Variants in PLPP4 observed in about 807,000 individuals in gnomAD.
The protein encoded by PLPP4 is diacylglycerol pyrophosphate like 2.
In PLPP4, 20 loss-of-function variants were observed where a neutral mutation model predicts 32.2. The observed-to-expected ratio is 0.62, with a 90% CI of 0.44 to 0.90. The LOEUF (loss-of-function observed/expected upper bound fraction) is 0.90. PLPP4 is among the 40% of genes least tolerant of loss of function. PLPP4 has a pLI of 0.00. For synonymous variants in PLPP4, 127 were observed against 133.0 expected (o/e 0.95, Z 0.31); for missense variants, 257 against 353.1 (o/e 0.73, Z 2.18).
chr10:120,579,370 C>T (rs560309075), intron 6 of PLPP4, among the ~76,000 whole-genome samples: 11 of 152,018 alleles, frequency 7.2e-5, no homozygotes, highest in Non-Finnish European at 1.5e-4. Context: ...GAAAGCGTCT[C>T]GGTCATTCAC....
intron 5 of PLPP4, among the ~76,000 whole-genome samples, chr10:120,524,181 T>C (rs1488483252): frequency 2.6e-5 from 4 of 152,158 alleles, no homozygotes; most frequent in Non-Finnish European, 5.9e-5. Context: ...TATTTTCTCC[T>C]TTTTTTAAAT....
At chr10:120,496,240 A>G (rs1221061431) in intron 1 of PLPP4, among the ~76,000 whole-genome samples, 5 of 152,182 alleles carry the variant, frequency 3.3e-5, no homozygotes, top group Non-Finnish European at 7.3e-5. Context: ...GCTTATAGGG[A>G]TCCTCTGGGG....
At chr10:120,562,039 A>G (rs2134013786) in intron 5 of PLPP4, among the ~76,000 whole-genome samples, 1 of 152,272 alleles carries the variant, frequency 6.6e-6, no homozygotes, top group East Asian at 1.9e-4. Context: ...TCTAGGGTTC[A>G]ATTTGGGGAG....
chr10:120,474,508 T>C (rs959275223), intron 1 of PLPP4, among the ~76,000 whole-genome samples: 6 of 152,192 alleles, frequency 3.9e-5, no homozygotes, highest in Non-Finnish European at 8.8e-5. Flanking sequence ...ATTTTTTGAT[T>C]ATAGAAATAC....
At chr10:120,525,565 C>A (rs1846353853) in intron 5 of PLPP4, among the ~76,000 whole-genome samples, 1 of 152,156 alleles carries the variant, frequency 6.6e-6, no homozygotes, top group Non-Finnish European at 1.5e-5. Context: ...TGAAGGCAAA[C>A]ACTAAGTTGT....
intron 5 of PLPP4, among the ~76,000 whole-genome samples, chr10:120,545,013 G>C (rs946167075): frequency 3.3e-5 from 5 of 152,244 alleles, no homozygotes; most frequent in African/African-American, 1.2e-4. Context: ...CATGTGCTTG[G>C]TTGATGGCGT....
At chr10:120,458,646 G>A (rs1422683420) in intron 1 of PLPP4, among the ~76,000 whole-genome samples, 2 of 152,140 alleles carry the variant, frequency 1.3e-5, no homozygotes, top group African/African-American at 2.4e-5. Flanking sequence ...CCCCTCTCCC[G>A]CCTTCTGCCC....
At chr10:120,587,216 A>G (rs949962185) in intron 6 of PLPP4, 1 of 152,290 alleles carries the variant, frequency 6.6e-6, no homozygotes, top group African/African-American at 2.4e-5. Flanking sequence ...AGGGCCAGGG[A>G]TGCAGCCTTG....
rs1233622052 is a variant in PLPP4, at chr10:120,577,386, C to A, written c.616+2085C>A. Among the ~76,000 whole-genome samples, 2 of 152,152 alleles carry A rather than the reference C, an allele frequency of 1.3e-5. 1 individual carries two copies. On this transcript the variant is annotated intron_variant, in intron 6 of 6. Coordinates refer to ENST00000398250, the MANE Select transcript of PLPP4 (RefSeq NM_001030059.3). Reference sequence around the variant, plus strand: ...TGTCTTCAGCACTCTCTGGCCCTACCCTGTTTTGTTCCTCATTTCCTAGCT... The same window carrying A: ...TGTCTTCAGCACTCTCTGGCCCTACACTGTTTTGTTCCTCATTTCCTAGCT...
At chr10:120,512,392 G>A (rs888330134) in intron 2 of PLPP4, among the ~76,000 whole-genome samples, 23 of 152,282 alleles carry the variant, frequency 1.5e-4, no homozygotes, top group African/African-American at 5.1e-4. Flanking sequence ...GTCATTCAGG[G>A]CCACAGCTGA....
At chr10:120,574,887 T>C (rs1316997393) in intron 5 of PLPP4, among the ~76,000 whole-genome samples, 3 of 152,218 alleles carry the variant, frequency 2.0e-5, no homozygotes, top group Non-Finnish European at 4.4e-5. Flanking sequence ...CTGAAGTAAC[T>C]ATTGAATGAA....
At chr10:120,466,214 A>G (rs910289012) in intron 1 of PLPP4, among the ~76,000 whole-genome samples, 3 of 152,142 alleles carry the variant, frequency 2.0e-5, no homozygotes, top group African/African-American at 7.2e-5. Context: ...GGGCCTGGCA[A>G]ATGGGTCCCA....
At chr10:120,580,120 A>C (rs1285452749) in intron 6 of PLPP4, among the ~76,000 whole-genome samples, 1 of 84,932 alleles carries the variant, frequency 1.2e-5, no homozygotes, top group Non-Finnish European at 2.6e-5. Context: ...ACTCTCAAAA[A>C]AAAAAAAAAA....
chr10:120,461,545 G>T (rs539803110), intron 1 of PLPP4, among the ~76,000 whole-genome samples: 21 of 152,298 alleles, frequency 1.4e-4, no homozygotes, highest in Admixed American at 1.2e-3. Flanking sequence ...GAGCTGCTTA[G>T]GATGCCAGGG....
At chr10:120,487,902 A>C (rs528926257) in intron 1 of PLPP4, among the ~76,000 whole-genome samples, 1 of 152,296 alleles carries the variant, frequency 6.6e-6, no homozygotes, top group Non-Finnish European at 1.5e-5. Flanking sequence ...CTGGTCCTTG[A>C]CTGTTTCCCA....
chr10:120,538,098 A>ATCTAG (rs1564825329), intron 5 of PLPP4, among the ~76,000 whole-genome samples: 1 of 83,030 alleles, frequency 1.2e-5, no homozygotes, highest in Non-Finnish European at 2.5e-5. Context: ...TCAGATTCAT[A>ATCTAG]TCTAGTATGC....
intron 1 of PLPP4, among the ~76,000 whole-genome samples, chr10:120,497,460 G>A (rs1589766959): frequency 6.6e-6 from 1 of 152,088 alleles, no homozygotes; most frequent in East Asian, 1.9e-4. Flanking sequence ...TGTGTGTGGG[G>A]TGTGTGTGTG....
At chr10:120,537,992 T>TTCTC (rs1158226991) in intron 5 of PLPP4, among the ~76,000 whole-genome samples, 5 of 19,112 alleles carry the variant, frequency 2.6e-4, no homozygotes, top group African/African-American at 8.2e-4. Flanking sequence ...ACCAGGCCCT[T>TTCTC]TCTCTCTCTC....
intron 6 of PLPP4, among the ~76,000 whole-genome samples, chr10:120,588,355 C>A (rs1339217376): frequency 6.6e-6 from 1 of 152,122 alleles, no homozygotes; most frequent in African/African-American, 2.4e-5. Flanking sequence ...GCAGATGCAC[C>A]CCCCTGCCTC....
Sources: gnomAD v4.1 joint callset for allele counts (sites outside exome capture counted in the v4.1 genomes callset) on GRCh38, gnomAD v4.1.1 for gene constraint, MANE v1.5 for transcripts, NCBI Gene and HGNC (gene_info 2026-07-23, HGNC 2026-07-21) for gene names.